Variants in GTF2IRD1 observed in about 807,000 individuals in gnomAD.
GTF2IRD1 encodes the protein GTF2I repeat domain containing 1.
GTF2IRD1 carries 26 observed loss-of-function variants against 113.2 expected under a neutral mutation model. That is an observed-to-expected ratio of 0.23 (90% CI 0.17 to 0.32). GTF2IRD1 has a LOEUF of 0.32. GTF2IRD1 is among the 10% of genes least tolerant of loss of function. GTF2IRD1 has a pLI of 1.00. For missense variants in GTF2IRD1, 864 were observed against 1,280.8 expected, an observed-to-expected ratio of 0.67 and a Z score of 4.97; for synonymous variants, 484 against 529.1, an observed-to-expected ratio of 0.91 and a Z score of 1.17.
Position 74,512,321 on chromosome 7 carries a change from CA to C in GTF2IRD1, c.124-508del, listed in dbSNP as rs1796687554. ...GAACCAAGATTGTGCCACTGCACTC[CA>C]GCCTGGGCGACAGAGTGAGACTGTG... On this transcript the variant is annotated intron_variant, in intron 2 of 26. Coordinates refer to ENST00000424337, the MANE Select transcript of GTF2IRD1 (RefSeq NM_005685.4). This position sits in a 1 kb window ranked among gnomAD's most constrained non-coding sequence, Gnocchi z 4.4. 6.6e-6 allele frequency among the ~76,000 whole-genome samples: 1 copy of C among 152,306 alleles called. No homozygotes were observed. Among genetic ancestry groups the C allele is most frequent in the African/African-American group, 2.4e-5 (1 of 41,570 alleles).
At chr7:74,477,896 A>G (rs1389796629) in intron 1 of GTF2IRD1, among the ~76,000 whole-genome samples, 3 of 152,154 alleles carry the variant, frequency 2.0e-5, no homozygotes, top group East Asian at 3.9e-4. Flanking sequence ...TGTTCTGAGA[A>G]GGCATGTTTA....
chr7:74,569,820 T>C (rs1554362054), intron 22 of GTF2IRD1, among the ~76,000 whole-genome samples: 1 of 152,074 alleles, frequency 6.6e-6, no homozygotes, highest in Non-Finnish European at 1.5e-5. Context: ...GGTGCTCGTC[T>C]CTAAGGCTGG....
At chr7:74,565,814 AT>A (rs1185447505) in intron 22 of GTF2IRD1, among the ~76,000 whole-genome samples, 1 of 151,872 alleles carries the variant, frequency 6.6e-6, no homozygotes, top group Non-Finnish European at 1.5e-5. Context: ...TACAAAAAAA[AT>A]TTTTTTTAAT....
intron 1 of GTF2IRD1, among the ~76,000 whole-genome samples, chr7:74,496,971 G>A (rs1795771620): frequency 6.6e-6 from 1 of 152,072 alleles, no homozygotes; most frequent in South Asian, 2.1e-4. Context: ...AGGCCAGCCT[G>A]GGCAACATAG....
At chr7:74,573,265 G>C (rs1554363195) in intron 22 of GTF2IRD1, among the ~76,000 whole-genome samples, 1 of 151,846 alleles carries the variant, frequency 6.6e-6, no homozygotes, top group African/African-American at 2.4e-5. Flanking sequence ...AGCCAGGCAT[G>C]AGGGCACATG....
At chr7:74,573,479 T>C (rs1382948932) in intron 22 of GTF2IRD1, among the ~76,000 whole-genome samples, 2 of 150,934 alleles carry the variant, frequency 1.3e-5, no homozygotes, top group African/African-American at 4.9e-5. Context: ...TGGGGGCGCC[T>C]TTAGAGTCTT....
chr7:74,454,843 T>A (rs551971073), intron 1 of GTF2IRD1, among the ~76,000 whole-genome samples: 1 of 152,250 alleles, frequency 6.6e-6, no homozygotes, highest in Non-Finnish European at 1.5e-5. Context: ...GTGGGTGGTC[T>A]CTGAGTTCCT....
chr7:74,466,181 C>T (rs529416018), intron 1 of GTF2IRD1, among the ~76,000 whole-genome samples: 2 of 152,318 alleles, frequency 1.3e-5, no homozygotes, highest in South Asian at 2.1e-4. Flanking sequence ...TCAGCCATCC[C>T]GCTTGTTAGA....
At chr7:74,582,889 A>T (rs1801498307) in intron 22 of GTF2IRD1, among the ~76,000 whole-genome samples, 1 of 152,114 alleles carries the variant, frequency 6.6e-6, no homozygotes, top group Non-Finnish European at 1.5e-5. Context: ...TCTCTACAAA[A>T]GATGGAAAAA....
intron 4 of GTF2IRD1, among the ~76,000 whole-genome samples, chr7:74,515,898 C>G (rs1796902630): frequency 6.6e-6 from 1 of 152,222 alleles, no homozygotes; most frequent in Non-Finnish European, 1.5e-5. Context: ...GACCAGCTCT[C>G]TACACCTGCC....
chr7:74,492,381 A>G (rs1208765699), intron 1 of GTF2IRD1, among the ~76,000 whole-genome samples: 1 of 151,876 alleles, frequency 6.6e-6, no homozygotes, highest in Non-Finnish European at 1.5e-5. Context: ...CATGTTAGCC[A>G]GGATGGTCTT....
intron 22 of GTF2IRD1, among the ~76,000 whole-genome samples, chr7:74,581,023 G>T (rs1364032562): frequency 1.4e-4 from 21 of 151,840 alleles, no homozygotes; most frequent in African/African-American, 4.8e-4. Context: ...CCCTTTTCTG[G>T]GGGGGGTTGG....
chr7:74,517,391 T>TC (rs1368284166), intron 4 of GTF2IRD1, among the ~76,000 whole-genome samples: 1 of 135,808 alleles, frequency 7.4e-6, no homozygotes, highest in African/African-American at 2.7e-5. Flanking sequence ...TTACTTTCTC[T>TC]CCCCCCTCTC....
At chr7:74,563,306 G>A (rs1554359660) in intron 22 of GTF2IRD1, among the ~76,000 whole-genome samples, 1 of 152,140 alleles carries the variant, frequency 6.6e-6, no homozygotes, top group African/African-American at 2.4e-5. Context: ...AGGGCCTGGT[G>A]CTGTGGCTCA....
intron 11 of GTF2IRD1, among the ~76,000 whole-genome samples, chr7:74,537,113 A>G (rs587741405): frequency 5.3e-4 from 80 of 151,916 alleles, no homozygotes; most frequent in African/African-American, 1.8e-3. Flanking sequence ...CCTTGTTTCA[A>G]AAATACAAAC....
chr7:74,543,872 CAAAAAAAA>C (rs782039486), intron 14 of GTF2IRD1, among the ~76,000 whole-genome samples: 1 of 34,590 alleles, frequency 2.9e-5, no homozygotes, highest in Non-Finnish European at 6.2e-5. Context: ...CCCATCTCTA[CAAAAAAAA>C]AAAAAAAAAA....
intron 9 of GTF2IRD1, among the ~76,000 whole-genome samples, chr7:74,530,586 T>TAAAA (rs58675988): frequency 1.0e-4 from 4 of 38,960 alleles, no homozygotes; most frequent in Non-Finnish European, 1.3e-4. Context: ...CCCTGTTTCT[T>TAAAA]AAAAAAAAAA....
At chr7:74,573,485 G>T (rs1554363355) in intron 22 of GTF2IRD1, among the ~76,000 whole-genome samples, 2 of 151,786 alleles carry the variant, frequency 1.3e-5, no homozygotes, top group African/African-American at 4.8e-5. Flanking sequence ...CGCCTTTAGA[G>T]TCTTTTGCAA....
intron 22 of GTF2IRD1, among the ~76,000 whole-genome samples, chr7:74,575,603 T>C (rs1321125499): frequency 6.6e-6 from 1 of 152,136 alleles, no homozygotes; most frequent in African/African-American, 2.4e-5. Flanking sequence ...CACTCTTAGG[T>C]GAGTTGGCTG....
Sources: gnomAD v4.1 joint callset for allele counts (sites outside exome capture counted in the v4.1 genomes callset) on GRCh38, gnomAD v4.1.1 for gene constraint, Gnocchi (gnomAD v3.1) non-coding constraint, MANE v1.5 for transcripts, NCBI Gene and HGNC (gene_info 2026-07-23, HGNC 2026-07-21) for gene names.